The following DST variants were observed in gnomAD, a reference collection of about 807,000 sequenced individuals.
DST encodes dystonin.
In DST, 253 loss-of-function variants were observed where a neutral mutation model predicts 875.2. The ratio of observed to expected loss-of-function variants is 0.29; its 90% confidence interval spans 0.26 to 0.32. The LOEUF is 0.32. Among genes scored for constraint, DST ranks in the 10% least tolerant of loss-of-function variants. The pLI, the probability that DST is intolerant of heterozygous loss-of-function variation, is 1.00. For synonymous variants in DST, 3,124 were observed against 3,197.1 expected (o/e 0.98, Z 0.77); for missense variants, 8,287 against 9,111.6 (o/e 0.91, Z 3.68).
At chr6:56,783,623 C>T (rs930798929) in intron 4 of DST, among the ~76,000 whole-genome samples, 55 of 152,124 alleles carry the variant, frequency 3.6e-4, no homozygotes, top group Admixed American at 3.4e-3. Flanking sequence ...TGTGTCTCTG[C>T]ACGTGAGATG....
rs762524552 is a variant in DST at position 56,464,709 on chromosome 6, T to C, written c.22735A>G (p.Ile7579Val). 6 of 1,599,986 alleles carry C rather than the reference T, an allele frequency of 3.8e-6. No homozygotes were observed. Among genetic ancestry groups the C allele is most frequent in the South Asian group, 2.3e-5 (2 of 88,028 alleles). Residue 7579 changes from isoleucine (I) to valine (V), a missense_variant, in exon 100 of 104, where the codon ATT becomes GTT. By Grantham distance (29) the Ile-to-Val change is conservative (BLOSUM62 3). Around this residue, in one of 10 missense-constraint regions of DST, gnomAD observed 64 missense variants for 86.2 expected, o/e 0.74. Coordinates refer to ENST00000680361, the MANE Select transcript of DST (RefSeq NM_001374736.1). ...KMLRSESNSS[I>V]TTTQPTIAKG... ...CCTATAGTAGGCTGAGTAGTAGTAATTGAAGAGTTTGATTCCGAACGTAAC... is the reference window on the plus strand; with the variant it reads ...CCTATAGTAGGCTGAGTAGTAGTAACTGAAGAGTTTGATTCCGAACGTAAC...
chr6:56,835,972 GA>G (rs2099793086), intron 4 of DST, among the ~76,000 whole-genome samples: 1 of 151,970 alleles, frequency 6.6e-6, no homozygotes, highest in African/African-American at 2.4e-5. Flanking sequence ...AAATCTTCTC[GA>G]CCCAAATACA....
At chr6:56,557,220 A>C in intron 59 of DST, 99 bp downstream of exon 59, 2 of 1,141,992 alleles carry the variant, frequency 1.8e-6, no homozygotes. Context: ...AGTTAAATAA[A>C]ACACCTACTG....
At chr6:56,781,085 T>C (rs1263363454) in intron 4 of DST, among the ~76,000 whole-genome samples, 1 of 151,160 alleles carries the variant, frequency 6.6e-6, no homozygotes, top group Non-Finnish European at 1.5e-5. Context: ...TTGATCTATA[T>C]CTCTGTTTTG....
chr6:56,466,258 G>A, intron 98 of DST, 63 bp from the exon 99 acceptor site: 3 of 1,186,110 alleles, frequency 2.5e-6, no homozygotes, highest in South Asian at 2.0e-5. Flanking sequence ...ACAGGATGAT[G>A]TGCAATTTGC....
rs952241145 is a variant in DST, at chr6:56,871,701, T to C, written c.418-20097A>G. The C allele has an allele frequency of 1.3e-5, 8 of 626,664 alleles. No homozygotes were observed. In the Admixed American group the frequency reaches 1.7e-4, roughly 13 times the overall value. 38.8% of individuals were successfully genotyped at this position (626,664 alleles called of 1,614,324 possible). Reference sequence around the variant, plus strand: ...GGGGGTTGCCTAGAAGAAAAAGATATCCCAGAAGAAACTGAAGAAACAAAA... The same window carrying C: ...GGGGGTTGCCTAGAAGAAAAAGATACCCCAGAAGAAACTGAAGAAACAAAA... On this transcript the variant is annotated intron_variant, in intron 3 of 103. Coordinates refer to ENST00000680361, the MANE Select transcript of DST (RefSeq NM_001374736.1).
intron 4 of DST, chr6:56,742,276 C>G: frequency 4.7e-6 from 6 of 1,288,004 alleles, no homozygotes; most frequent in Non-Finnish European, 6.1e-6. Flanking sequence ...CTAACCCATA[C>G]AGCACATCAG....
At chr6:56,945,901 G>A (rs1039835259) in intron 2 of DST, 4 of 150,892 alleles carry the variant, frequency 2.7e-5, no homozygotes, top group Non-Finnish European at 4.4e-5. Flanking sequence ...AAGGAAGGAG[G>A]GGAATAGGGA....
rs191943839 is a variant in DST, at chr6:56,536,604, T to G, written c.16770+175A>C. On this transcript the variant is annotated intron_variant, in intron 62 of 103. Coordinates refer to ENST00000680361, the MANE Select transcript of DST (RefSeq NM_001374736.1). ...CTTACCCAGTTTGCTTCCTTTCATTTAGATTCCCTACCTAGCTCCAGTAGG... is the reference window on the plus strand; with the variant it reads ...CTTACCCAGTTTGCTTCCTTTCATTGAGATTCCCTACCTAGCTCCAGTAGG... Among the ~76,000 whole-genome samples, 286 of 152,330 alleles carry G rather than the reference T, an allele frequency of 1.9e-3. 1 individual carries two copies. Among genetic ancestry groups the G allele is most frequent in the African/African-American group, 6.3e-3 (263 of 41,586 alleles).
intron 2 of DST, among the ~76,000 whole-genome samples, chr6:56,905,039 C>T (rs1795771665): frequency 1.3e-5 from 2 of 152,178 alleles, no homozygotes; most frequent in Non-Finnish European, 2.9e-5. Context: ...CTGCCCACCT[C>T]GGCCTCCCAA....
At chr6:56,534,979 C>T (rs1478938279) in intron 63 of DST, 143 bp downstream of exon 63, 6 of 903,542 alleles carry the variant, frequency 6.6e-6, no homozygotes, top group East Asian at 2.6e-5. Context: ...AAATATTTGT[C>T]GAATGACTAA....
At chr6:56,807,630 A>G (rs1473138411) in intron 4 of DST, among the ~76,000 whole-genome samples, 3 of 152,236 alleles carry the variant, frequency 2.0e-5, no homozygotes, top group Non-Finnish European at 4.4e-5. Context: ...AGTTAATTCA[A>G]CGGAAGAAAG....
intron 5 of DST, among the ~76,000 whole-genome samples, chr6:56,723,304 C>T (rs2099429428): frequency 6.6e-6 from 1 of 152,180 alleles, no homozygotes; most frequent in Non-Finnish European, 1.5e-5. Context: ...GTGGCTTACG[C>T]CTGTAATCCC....
chr6:56,575,405 G>A (rs1246331514), intron 50 of DST, among the ~76,000 whole-genome samples: 3 of 152,164 alleles, frequency 2.0e-5, no homozygotes, highest in African/African-American at 2.4e-5. Flanking sequence ...AAACTCACAA[G>A]AGCACATGCT....
At chr6:56,829,331 T>C (rs1429704454) in intron 4 of DST, among the ~76,000 whole-genome samples, 1 of 152,230 alleles carries the variant, frequency 6.6e-6, no homozygotes, top group African/African-American at 2.4e-5. Context: ...ATACATGTAA[T>C]GAGAGTAAAA....
At chr6:56,816,959 A>G (rs1003973868) in intron 4 of DST, among the ~76,000 whole-genome samples, 6 of 152,016 alleles carry the variant, frequency 3.9e-5, no homozygotes, top group Non-Finnish European at 8.8e-5. Flanking sequence ...TAATTTCACA[A>G]TGTTCCAAAA....
intron 82 of DST, among the ~76,000 whole-genome samples, chr6:56,495,679 T>TAAA (rs2152447573): frequency 1.3e-5 from 2 of 152,118 alleles, no homozygotes; most frequent in East Asian, 3.9e-4. Context: ...AGTCTATTAC[T>TAAA]TTTCCAGTGA....
intron 3 of DST, among the ~76,000 whole-genome samples, chr6:56,893,718 T>C (rs1789163872): frequency 1.5e-5 from 1 of 67,096 alleles, no homozygotes; most frequent in African/African-American, 9.4e-5. Context: ...CAAAGGTCTC[T>C]GGTTTTCCTA....
chr6:56,546,114 C>T (rs1338943139), intron 61 of DST, among the ~76,000 whole-genome samples: 2 of 151,322 alleles, frequency 1.3e-5, no homozygotes, highest in African/African-American at 4.9e-5. Context: ...AGCCCTAAAC[C>T]GATTTAGAAA....
Sources: allele counts gnomAD v4.1 joint callset (sites outside exome capture counted in the v4.1 genomes callset), GRCh38; gene constraint gnomAD v4.1.1; regional missense constraint gnomAD v4.1.1; transcripts MANE v1.5; gene names NCBI Gene and HGNC (gene_info 2026-07-23, HGNC 2026-07-21).